Variants in SYCP1 observed in about 807,000 individuals in gnomAD.
The protein encoded by SYCP1 is cancer/testis antigen 8.
A neutral mutation model predicts 153.1 loss-of-function variants in SYCP1; 64 were observed. That is an observed-to-expected ratio of 0.42 (90% CI 0.34 to 0.51). The LOEUF (loss-of-function observed/expected upper bound fraction) is 0.51, where lower values mean the gene tolerates loss of function less well. Ranked by LOEUF, SYCP1 falls within the 20% of genes least tolerant of loss-of-function variation. The pLI, the probability that SYCP1 is intolerant of heterozygous loss-of-function variation, is 0.06. For synonymous variants in SYCP1, 384 were observed against 341.8 expected (o/e 1.12, Z -1.36); for missense variants, 997 against 1,049.0 (o/e 0.95, Z 0.68).
chr1:114,905,794 A>G (rs1368242008), intron 16 of SYCP1, among the ~76,000 whole-genome samples: 1 of 152,088 alleles, frequency 6.6e-6, no homozygotes, highest in East Asian at 1.9e-4. Flanking sequence ...TTAATCTTGA[A>G]TGATTTTGGT....
intron 25 of SYCP1, 78 bp downstream of exon 25, chr1:114,945,060 G>C: frequency 1.9e-6 from 2 of 1,045,412 alleles, no homozygotes; most frequent in Non-Finnish European, 2.7e-6. Context: ...AATCAAGATA[G>C]TATTCTTATT....
At chr1:114,924,277 T>C (rs1669108274) in intron 21 of SYCP1, among the ~76,000 whole-genome samples, 1 of 152,172 alleles carries the variant, frequency 6.6e-6, no homozygotes, top group East Asian at 1.9e-4. Flanking sequence ...TCTGGCCTAG[T>C]TCAGTTCACA....
chr1:114,978,970 C>A (rs1176497164), intron 28 of SYCP1, among the ~76,000 whole-genome samples: 1 of 151,410 alleles, frequency 6.6e-6, no homozygotes, highest in Admixed American at 6.6e-5. Context: ...ATCACATATT[C>A]TTATAGAGAT....
chr1:114,855,408 T>C, intron 1 of SYCP1, 33 bp from the exon 2 acceptor site: 2 of 1,342,186 alleles, frequency 1.5e-6, no homozygotes, highest in African/African-American at 2.7e-5. Context: ...GAAAAAAAAC[T>C]TTCCTTCCCC....
intron 16 of SYCP1, among the ~76,000 whole-genome samples, chr1:114,899,461 C>T (rs191673878): frequency 1.1e-4 from 17 of 152,224 alleles, no homozygotes; most frequent in South Asian, 4.1e-4. Context: ...TGTACATTTC[C>T]CTTTATTCCA....
At chr1:114,953,963 A>G (rs1671270118) in intron 27 of SYCP1, among the ~76,000 whole-genome samples, 1 of 152,152 alleles carries the variant, frequency 6.6e-6, no homozygotes, top group South Asian at 2.1e-4. Context: ...CTTTCATAAG[A>G]ATTTCATAAT....
chr1:114,906,186 C>T (rs988765467), intron 16 of SYCP1, among the ~76,000 whole-genome samples: 2 of 152,024 alleles, frequency 1.3e-5, no homozygotes, highest in East Asian at 1.9e-4. Context: ...AGGCTGGTCT[C>T]GAACTCCTGA....
At chr1:114,895,550 T>G (rs1667004315) in intron 16 of SYCP1, 41 bp downstream of exon 16, 1 of 1,108,664 alleles carries the variant, frequency 9.0e-7, no homozygotes, top group African/African-American at 1.6e-5. Context: ...CAATTACTTT[T>G]CAGAAGAATA....
chr1:114,899,034 T>C (rs1477452646), intron 16 of SYCP1, among the ~76,000 whole-genome samples: 1 of 152,216 alleles, frequency 6.6e-6, no homozygotes, highest in Non-Finnish European at 1.5e-5. Flanking sequence ...GGGGCTTTTA[T>C]TGGCTCTGCA....
At position 114,913,982 on chromosome 1, in the gene SYCP1, A is replaced by G; in HGVS notation, c.1655A>G (p.Lys552Arg). The G allele has an allele frequency of 6.4e-7, 1 of 1,562,344 alleles. No individual in the cohort carries two copies. The highest frequency in any genetic ancestry group is 8.7e-7 in the Non-Finnish European group (1 of 1,155,748). Reference protein sequence around the residue: ...KNQQEDINNNKKQEERMLKQI... With the variant: ...KNQQEDINNNRKQEERMLKQI... ...ACAACATTATTTCTTTAGAATAACA[A>G]AAAGCAAGAAGAAAGGATGTTGAAA... Residue 552 changes from lysine to arginine, a missense_variant, in exon 20 of 32, where the codon AAA becomes AGA. Transcript: ENST00000369522.
At chr1:114,967,822 G>C (rs941337960) in intron 27 of SYCP1, among the ~76,000 whole-genome samples, 1 of 152,182 alleles carries the variant, frequency 6.6e-6, no homozygotes, top group African/African-American at 2.4e-5. Flanking sequence ...GCTGGTACCA[G>C]TTTTTCCTTT....
chr1:114,929,874 A>G (rs1669514319), intron 23 of SYCP1, among the ~76,000 whole-genome samples: 1 of 152,092 alleles, frequency 6.6e-6, no homozygotes, highest in Non-Finnish European at 1.5e-5. Flanking sequence ...TTTATAGAAC[A>G]CTATATCTGC....
chr1:114,863,412 G>A (rs1331310787), intron 8 of SYCP1, among the ~76,000 whole-genome samples: 1 of 152,112 alleles, frequency 6.6e-6, no homozygotes, highest in Non-Finnish European at 1.5e-5. Flanking sequence ...AATTAGCTGG[G>A]CATGATGGCA....
At chr1:114,872,668 G>C (rs867999337) in intron 8 of SYCP1, among the ~76,000 whole-genome samples, 1 of 151,878 alleles carries the variant, frequency 6.6e-6, no homozygotes, top group African/African-American at 2.4e-5. Context: ...TATACTTTTT[G>C]TAGTTGTCTC....
chr1:114,858,566 G>T lies in SYCP1; in HGVS notation c.311G>T (p.Arg104Ile). 1 of 1,603,644 alleles carries T rather than the reference G, an allele frequency of 6.2e-7. No homozygotes were observed. Among genetic ancestry groups the T allele is most frequent in the Non-Finnish European group, 8.5e-7 (1 of 1,175,370 alleles). The stretch of plus-strand genomic sequence containing the variant: ...TAATAGAATTCAGAGGGATTGAGCA[G>T]AGTGTATTCAAAACTGTATAAGGAG... ...SDLENSEGLS[R>I]VYSKLYKEAE... The change falls in exon 6 of 32, where the codon AGA (arginine) becomes ATA (isoleucine). Residue 104 changes from arginine to isoleucine, a missense_variant. Arg to Ile is a moderately conservative substitution (Grantham distance 97). Coordinates refer to ENST00000369522, the MANE Select transcript of SYCP1 (RefSeq NM_003176.4).
chr1:114,948,783 A>C (rs1195500099), intron 27 of SYCP1, among the ~76,000 whole-genome samples: 1 of 152,142 alleles, frequency 6.6e-6, no homozygotes, highest in Non-Finnish European at 1.5e-5. Flanking sequence ...CTTTCCCTTC[A>C]TCTGCAATAA....
At chr1:114,980,657 T>C (rs536070936) in intron 28 of SYCP1, among the ~76,000 whole-genome samples, 7 of 152,082 alleles carry the variant, frequency 4.6e-5, no homozygotes, top group African/African-American at 1.4e-4. Context: ...TTTTAGGCTA[T>C]TGTAATGAAC....
At chr1:114,947,753 CAGCAGCCGAG>C (rs1359512903) in intron 27 of SYCP1, among the ~76,000 whole-genome samples, 7 of 129,000 alleles carry the variant, frequency 5.4e-5, no homozygotes, top group Non-Finnish European at 7.7e-5. Flanking sequence ...GCGGAGCTTG[CAGCAGCCGAG>C]ATCGCGCCAC....
intron 12 of SYCP1, among the ~76,000 whole-genome samples, chr1:114,884,801 C>T (rs919058231): frequency 6.6e-6 from 1 of 152,014 alleles, no homozygotes; most frequent in South Asian, 2.1e-4. Context: ...GTATCATGCC[C>T]GAGGCCAGGT....
Sources: gnomAD v4.1 joint callset for allele counts (sites outside exome capture counted in the v4.1 genomes callset) on GRCh38, gnomAD v4.1.1 for gene constraint, MANE v1.5 for transcripts, NCBI Gene and HGNC (gene_info 2026-07-23, HGNC 2026-07-21) for gene names.